The following DRC8 variants were observed in gnomAD, a reference collection of about 807,000 sequenced individuals.
DRC8 encodes dynein regulatory complex subunit 8, also known as dynein regulatory complex protein 8.
At chr1:245,041,256 G>T in the DRC8 span, among the ~76,000 whole-genome samples, 1 of 152,166 alleles carries the variant, frequency 6.6e-6, no homozygotes, top group African/African-American at 2.4e-5. Context: ...CTAGAGAGTG[G>T]TGTAAGATCA....
the DRC8 span, among the ~76,000 whole-genome samples, chr1:245,070,484 A>G: frequency 4.6e-5 from 7 of 152,192 alleles, no homozygotes; most frequent in Admixed American, 4.6e-4. Context: ...GGGTTACTGA[A>G]GGGTTTTAAA....
chr1:245,115,012 C>T, the DRC8 span, among the ~76,000 whole-genome samples: 1 of 152,136 alleles, frequency 6.6e-6, no homozygotes, highest in Non-Finnish European at 1.5e-5. Flanking sequence ...GCGTGAGCCA[C>T]CGTCCCCAGC....
chr1:245,112,361 A>G, the DRC8 span, among the ~76,000 whole-genome samples: 1 of 152,254 alleles, frequency 6.6e-6, no homozygotes, highest in East Asian at 1.9e-4. Context: ...GGTGTGAGCT[A>G]CTGCACCCGG....
At chr1:245,022,266 C>T in the DRC8 span, among the ~76,000 whole-genome samples, 1 of 152,006 alleles carries the variant, frequency 6.6e-6, no homozygotes, top group African/African-American at 2.4e-5. Flanking sequence ...CTGCCTCAGC[C>T]TCCCAAGTAC....
At chr1:244,981,760 C>T in the DRC8 span, among the ~76,000 whole-genome samples, 1 of 152,120 alleles carries the variant, frequency 6.6e-6, no homozygotes, top group East Asian at 1.9e-4. Context: ...CGGTTTTACT[C>T]CTAGGAACCC....
chr1:245,081,544 C>A, the DRC8 span, among the ~76,000 whole-genome samples: 1 of 152,090 alleles, frequency 6.6e-6, no homozygotes. Flanking sequence ...TCTCGGCTCA[C>A]TGCAACCTCC....
the DRC8 span, among the ~76,000 whole-genome samples, chr1:245,099,305 G>A: frequency 6.6e-6 from 1 of 152,322 alleles, no homozygotes; most frequent in Non-Finnish European, 1.5e-5. Context: ...TTTTTCAACA[G>A]ATTGTTGAAG....
chr1:245,058,508 GA>G, the DRC8 span, among the ~76,000 whole-genome samples: 4 of 152,062 alleles, frequency 2.6e-5, no homozygotes, highest in Non-Finnish European at 4.4e-5. Flanking sequence ...TGTAAATAGG[GA>G]GTAAATATAA....
chr1:244,972,815 CAAA>C, the DRC8 span, among the ~76,000 whole-genome samples: 1 of 93,438 alleles, frequency 1.1e-5, no homozygotes, highest in Admixed American at 1.1e-4. Flanking sequence ...GACTCCGTCT[CAAA>C]AAAAAAAAAA....
At chr1:245,075,958 C>A in the DRC8 span, among the ~76,000 whole-genome samples, 6 of 152,154 alleles carry the variant, frequency 3.9e-5, no homozygotes, top group Non-Finnish European at 8.8e-5. Context: ...GAGGCATCAC[C>A]GCTAACCCAC....
the DRC8 span, among the ~76,000 whole-genome samples, chr1:245,020,006 T>TA: frequency 2.6e-5 from 4 of 152,002 alleles, no homozygotes; most frequent in South Asian, 8.3e-4. Context: ...GAGGGAGAGA[T>TA]ATGTAATGGC....
chr1:245,120,457 C>T, the DRC8 span, among the ~76,000 whole-genome samples: 2 of 152,188 alleles, frequency 1.3e-5, no homozygotes, highest in Non-Finnish European at 2.9e-5. Flanking sequence ...TTCCATCTTT[C>T]AGAAACTCTG....
chr1:245,035,866 C>CAA, the DRC8 span, among the ~76,000 whole-genome samples: 6,397 of 109,792 alleles, frequency 0.058, 537 homozygotes, highest in African/African-American at 0.19. Flanking sequence ...GACTCTGTCT[C>CAA]AAAAAAAAAA....
chr1:245,081,345 TAG>T, the DRC8 span, among the ~76,000 whole-genome samples: 1 of 151,952 alleles, frequency 6.6e-6, no homozygotes, highest in Non-Finnish European at 1.5e-5. Flanking sequence ...GTAGTTTTAG[TAG>T]AGACAGGGTT....
At chr1:245,054,211 G>A in the DRC8 span, among the ~76,000 whole-genome samples, 2 of 152,044 alleles carry the variant, frequency 1.3e-5, no homozygotes, top group African/African-American at 4.8e-5. Flanking sequence ...TGCCCACGCT[G>A]GAGTGCCAAG....
chr1:244,979,086 T>G, the DRC8 span, among the ~76,000 whole-genome samples: 2 of 152,068 alleles, frequency 1.3e-5, no homozygotes, highest in East Asian at 3.9e-4. Flanking sequence ...TTATTCCCTC[T>G]CATAGCTATT....
chr1:245,099,768 G>T, the DRC8 span, among the ~76,000 whole-genome samples: 218 of 152,280 alleles, frequency 1.4e-3, no homozygotes, highest in African/African-American at 5.1e-3. Context: ...ACAAAAAATA[G>T]TAACTCCATA....
chr1:245,076,998 T>A, the DRC8 span, among the ~76,000 whole-genome samples: 1 of 152,184 alleles, frequency 6.6e-6, no homozygotes, highest in Non-Finnish European at 1.5e-5. Flanking sequence ...GTGCTGGGAT[T>A]ACAGGCGTGA....
the DRC8 span, among the ~76,000 whole-genome samples, chr1:245,018,001 C>T: frequency 6.6e-6 from 1 of 152,044 alleles, no homozygotes; most frequent in Admixed American, 6.6e-5. Context: ...TCAAGGTGGA[C>T]AGATCACCTA....
Sources: allele counts gnomAD v4.1 joint callset (sites outside exome capture counted in the v4.1 genomes callset), GRCh38; gene constraint gnomAD v4.1.1; transcripts MANE v1.5; gene names NCBI Gene and HGNC (gene_info 2026-07-23, HGNC 2026-07-21).